The following RDH16 variants were observed in gnomAD, a reference collection of about 807,000 sequenced individuals.
RDH16 encodes retinol dehydrogenase 16.
In RDH16, 25 loss-of-function variants were observed where a neutral mutation model predicts 22.3. The observed-to-expected ratio is 1.12, with a 90% CI of 0.82 to 1.56. The LOEUF is 1.56. RDH16 is among the 40% of genes most tolerant of loss of function. The pLI is 0.00. For synonymous variants in RDH16, 154 were observed against 164.4 expected (o/e 0.94, Z 0.48); for missense variants, 413 against 394.9 (o/e 1.05, Z -0.39).
At chr12:56,953,100 T>A (rs921995811) in intron 2 of RDH16, 110 bp from the exon 3 acceptor site, 1 of 986,262 alleles carries the variant, frequency 1.0e-6, no homozygotes, top group Non-Finnish European at 1.5e-6. Context: ...ATGGGTAAAA[T>A]AGAAAGCTTG....
chr12:56,952,037 C>A lies in RDH16; in HGVS notation c.946G>T (p.Ala316Ser), dbSNP rs373978070. 6.0e-5 allele frequency: 97 copies of A among 1,613,846 alleles called. No homozygotes were observed. Among genetic ancestry groups the A allele is most frequent in the Non-Finnish European group, 7.4e-5 (87 of 1,179,912 alleles). ...MYWVSPSPAK[A>S]L Reference sequence around the variant, plus strand: ...TGCATCCAACCTTAGCTTCATAGAGCCTTGGCCGGGCTTGGAGAGACCCAG... The same window carrying A: ...TGCATCCAACCTTAGCTTCATAGAGACTTGGCCGGGCTTGGAGAGACCCAG... Residue 316 changes from alanine to serine, a missense_variant, in exon 4 of 4, where the codon GCT (alanine) becomes TCT (serine). Transcript: ENST00000398138.
intron 3 of RDH16, 37 bp from the exon 4 acceptor site, chr12:56,952,283 C>A (rs1379394193): frequency 6.3e-7 from 1 of 1,580,732 alleles, no homozygotes. Context: ...TATATTTCCA[C>A]CTCTAACCGC....
rs538249189 is a variant in RDH16, at chr12:56,957,561, C to T, written c.-99G>A. Reference sequence around the variant, plus strand: ...TAAGAACACAGAGGGCTGTGGTAGGCAGGGAAGCCCTCAGGCATTTTGGCA... The same window carrying T: ...TAAGAACACAGAGGGCTGTGGTAGGTAGGGAAGCCCTCAGGCATTTTGGCA... On this transcript the variant is annotated 5_prime_UTR_variant, in exon 1 of 4. Transcript: ENST00000398138. The T allele has an allele frequency of 1.5e-5, 20 of 1,348,918 alleles. No individual in the cohort carries two copies. The South Asian group carries it at 2.4e-4, about 16-fold the overall frequency. The allele number at this position is 1,348,918 out of a possible 1,614,324, so 83.6% of individuals were successfully genotyped here. A position where few individuals can be genotyped will look rare whatever the true frequency, so the allele number is the denominator to read the frequency against.
rs1278201809 is a variant in RDH16 at position 56,957,243 on chromosome 12, A to G, written c.220T>C (p.Ser74Pro). The G allele has an allele frequency of 4.3e-6, 7 of 1,614,138 alleles. 1 individual carries two copies. The South Asian group carries it at 7.7e-5, about 18-fold the overall frequency. ...AGGGTCACCGTCTCCAGCCTGTCTG[A>G]AGTCTGGCCCCTCAGCTGCTCGGCT... ...KGAEQLRGQT[S>P]DRLETVTLDV... The change falls in exon 1 of 4, where the codon TCA becomes CCA. Residue 74 changes from serine (S) to proline (P), a missense_variant. Physicochemically the swap from Ser to Pro is moderately conservative, Grantham distance 74 (BLOSUM62 -1). Transcript: ENST00000398138.
At position 56,951,707 on chromosome 12, in the gene RDH16, A is replaced by G. The variant is rs1188968992; in HGVS notation, c.*322T>C. On this transcript the variant is annotated 3_prime_UTR_variant, in exon 4 of 4. Transcript: ENST00000398138. ...AATGGCATGGGCTGAGGCTCCTTCC[A>G]CCTGCTCACACCCACCCCAGTTGTT... 5 of 365,746 alleles carry G rather than the reference A, an allele frequency of 1.4e-5. No individual in the cohort carries two copies. Among genetic ancestry groups the G allele is most frequent in the Non-Finnish European group, 2.6e-5 (5 of 194,672 alleles). The allele number at this position is 365,746 out of a possible 1,614,324, so 22.7% of individuals were successfully genotyped here.
chr12:56,952,254 G>T lies in RDH16; in HGVS notation c.737-8C>A. The T allele has an allele frequency of 2.5e-6, 4 of 1,612,860 alleles. No homozygotes were observed. The highest frequency in any genetic ancestry group is 2.5e-6 in the Non-Finnish European group (3 of 1,179,232). On this transcript the variant is annotated splice_region_variant and splice_polypyrimidine_tract_variant and intron_variant, in intron 3 of 3. Coordinates refer to ENST00000398138, the MANE Select transcript of RDH16 (RefSeq NM_003708.5). ...GTTCAGCTGATTTCTTATCTGTTAA[G>T]AATCAGAAACAATCCATGTATATTT...
rs201207510 is a variant in RDH16 at position 56,957,238 on chromosome 12, G to A, written c.225C>T (p.Asp75=). 8 of 1,614,162 alleles carry A rather than the reference G, an allele frequency of 5.0e-6. No homozygotes were observed. The African/African-American group carries it at 8.0e-5, about 16-fold the overall frequency. ...CATCCAGGGTCACCGTCTCCAGCCTGTCTGAAGTCTGGCCCCTCAGCTGCT... is the reference window on the plus strand; with the variant it reads ...CATCCAGGGTCACCGTCTCCAGCCTATCTGAAGTCTGGCCCCTCAGCTGCT... ...GAEQLRGQTS[D]RLETVTLDVT... Residue 75 remains aspartate, a synonymous_variant, in exon 1 of 4, where the codon GAC becomes GAT. Transcript: ENST00000398138.
chr12:56,955,906 C>G (rs923977174), intron 1 of RDH16, among the ~76,000 whole-genome samples: 3 of 152,206 alleles, frequency 2.0e-5, no homozygotes, highest in Non-Finnish European at 4.4e-5. Context: ...TCATCCTTCC[C>G]TTTAGTCCCA....
rs1447278338 is a variant in RDH16 at position 56,957,422 on chromosome 12, A to G, written c.41T>C (p.Leu14Pro). Residue 14 changes from leucine (L) to proline (P), a missense_variant, in exon 1 of 4, where the codon CTT becomes CCT. Physicochemically the swap from Leu to Pro is moderately conservative, Grantham distance 98. Coordinates refer to ENST00000398138, the MANE Select transcript of RDH16 (RefSeq NM_003708.5). ...CTGCCTCTCCCGGTACCAGTGCAGA[A>G]GGTAGTACAGGCCCACGAAAACCGC... ...YLAVFVGLYY[L>P]LHWYRERQVL... is the part of the protein sequence containing the mutation. The G allele has an allele frequency of 2.5e-6, 4 of 1,613,968 alleles. No individual in the cohort carries two copies. The highest frequency in any genetic ancestry group is 1.6e-4 in the Middle Eastern group (1 of 6,062).
chr12:56,956,619 T>C (rs1182925552), intron 1 of RDH16, among the ~76,000 whole-genome samples: 1 of 152,144 alleles, frequency 6.6e-6, no homozygotes, highest in Non-Finnish European at 1.5e-5. Context: ...AAAGAAAAAG[T>C]AACCCCTTAC....
chr12:56,954,556 G>A (rs1955909531), intron 2 of RDH16, among the ~76,000 whole-genome samples: 1 of 152,180 alleles, frequency 6.6e-6, no homozygotes. Context: ...CCCCTGTCCT[G>A]GGCTTGGTAA....
At position 56,957,449 on chromosome 12, in the gene RDH16, A is replaced by G. The variant is rs1378605938; in HGVS notation, c.14T>C (p.Leu5Pro). Reference protein sequence around the residue: MWLYLAVFVGLYYLL... With the variant: MWLYPAVFVGLYYLL... ...GTAGTACAGGCCCACGAAAACCGCC[A>G]GGTAGAGCCACATGGCTTTGCAGAG... Residue 5 changes from leucine (L) to proline (P), a missense_variant, in exon 1 of 4, where the codon CTG (leucine) becomes CCG (proline). Transcript: ENST00000398138. 6.2e-7 allele frequency: 1 copy of G among 1,611,326 alleles called. No individual in the cohort carries two copies. The highest frequency in any genetic ancestry group is 1.3e-5 in the African/African-American group (1 of 74,992).
intron 2 of RDH16, among the ~76,000 whole-genome samples, chr12:56,953,944 G>A (rs528372366): frequency 1.3e-5 from 2 of 152,302 alleles, no homozygotes; most frequent in South Asian, 2.1e-4. Flanking sequence ...TGTTAAGGAT[G>A]GATTTTTGGC....
chr12:56,955,057 C>A lies in RDH16; in HGVS notation c.421G>T (p.Val141Leu), dbSNP rs758134985. 19 of 1,614,054 alleles carry A rather than the reference C, an allele frequency of 1.2e-5. No homozygotes were observed. Among genetic ancestry groups the A allele is most frequent in the Non-Finnish European group, 1.5e-5 (18 of 1,180,044 alleles). Reference sequence around the variant, plus strand: ...AGCAGGCTCAGAGTCACATCAATCACCCCCAACAAGTTCACGTCCAGTATG... The same window carrying A: ...AGCAGGCTCAGAGTCACATCAATCAACCCCAACAAGTTCACGTCCAGTATG... Reference protein sequence around the residue: ...VTILDVNLLGVIDVTLSLLPL... With the variant: ...VTILDVNLLGLIDVTLSLLPL... The change falls in exon 2 of 4, where the codon GTG (valine) becomes TTG (leucine). Residue 141 changes from valine (V) to leucine (L), a missense_variant. Physicochemically the swap from Val to Leu is conservative, Grantham distance 32. Coordinates refer to ENST00000398138, the MANE Select transcript of RDH16 (RefSeq NM_003708.5).
At position 56,957,340 on chromosome 12, in the gene RDH16, G is replaced by T; in HGVS notation, c.123C>A (p.Phe41Leu). Reference sequence around the variant, plus strand: ...CCAGCTGTCTGGCCAGCAGTTTCCCGAAGCCAGAGTCACAGCCCGTGATGA... The same window carrying T: ...CCAGCTGTCTGGCCAGCAGTTTCCCTAAGCCAGAGTCACAGCCCGTGATGA... ...YVFITGCDSG[F>L]GKLLARQLDA... Residue 41 changes from phenylalanine (F) to leucine (L), a missense_variant, in exon 1 of 4, where the codon TTC becomes TTA. By Grantham distance (22) the Phe-to-Leu change is conservative (BLOSUM62 0). Transcript: ENST00000398138. 6.2e-7 allele frequency: 1 copy of T among 1,614,130 alleles called. No homozygotes were observed. Among genetic ancestry groups the T allele is most frequent in the Non-Finnish European group, 8.5e-7 (1 of 1,180,020 alleles).
At chr12:56,954,873 A>G (rs1379559169) in intron 2 of RDH16, 33 bp downstream of exon 2, 2 of 1,610,328 alleles carry the variant, frequency 1.2e-6, no homozygotes, top group Non-Finnish European at 1.7e-6. Flanking sequence ...CAGGAGCAGG[A>G]AGACTAGGGT....
In RDH16 at chr12:56,955,070, C is replaced by T. The variant is rs369959890; in HGVS notation, c.408G>A (p.Val136=). 3 of 1,614,152 alleles carry T rather than the reference C, an allele frequency of 1.9e-6. No individual in the cohort carries two copies. Among genetic ancestry groups the T allele is most frequent in the South Asian group, 1.1e-5 (1 of 91,070 alleles). ...TKQDFVTILD[V]NLLGVIDVTL... is the part of the protein sequence containing the mutation. Reference sequence around the variant, plus strand: ...TCACATCAATCACCCCCAACAAGTTCACGTCCAGTATGGTCACGAAGTCCT... The same window carrying T: ...TCACATCAATCACCCCCAACAAGTTTACGTCCAGTATGGTCACGAAGTCCT... Residue 136 remains valine (V), a synonymous_variant, in exon 2 of 4, where the codon GTG becomes GTA. Coordinates refer to ENST00000398138, the MANE Select transcript of RDH16 (RefSeq NM_003708.5).
At position 56,951,879 on chromosome 12, in the gene RDH16, G is replaced by A. The variant is rs950951351; in HGVS notation, c.*150C>T. 1.6e-6 allele frequency: 1 copy of A among 641,194 alleles called. No individual in the cohort carries two copies. The highest frequency in any genetic ancestry group is 2.7e-6 in the Non-Finnish European group (1 of 364,732). The allele number at this position is 641,194 out of a possible 1,614,324, so 39.7% of individuals were successfully genotyped here. ...CTCCAGAGAGCAGAATTATCTCCCA[G>A]GAGAATCATGGCCAGGAGGTAATGA... On this transcript the variant is annotated 3_prime_UTR_variant, in exon 4 of 4. Transcript: ENST00000398138.
At chr12:56,956,654 C>T (rs999132473) in intron 1 of RDH16, among the ~76,000 whole-genome samples, 3 of 151,978 alleles carry the variant, frequency 2.0e-5, no homozygotes, top group Non-Finnish European at 4.4e-5. Context: ...TTAAGCAGTC[C>T]TTAAGCTGAT....
Sources: gnomAD v4.1 joint callset for allele counts (sites outside exome capture counted in the v4.1 genomes callset) on GRCh38, gnomAD v4.1.1 for gene constraint, MANE v1.5 for transcripts, NCBI Gene and HGNC (gene_info 2026-07-23, HGNC 2026-07-21) for gene names.